Variants in CLSTN1 observed in about 807,000 individuals in gnomAD.
The protein encoded by CLSTN1 is calsyntenin-1.
In CLSTN1, 28 loss-of-function variants were observed where a neutral mutation model predicts 108.3. The observed-to-expected ratio is 0.26, with a 90% CI of 0.19 to 0.35. The LOEUF is 0.35. Ranked by LOEUF, CLSTN1 falls within the 10% of genes least tolerant of loss-of-function variation. The pLI, the probability that CLSTN1 is intolerant of heterozygous loss-of-function variation, is 1.00. For missense variants in CLSTN1, 1,157 were observed against 1,302.6 expected, an observed-to-expected ratio of 0.89 and a Z score of 1.72; for synonymous variants, 524 against 534.9, an observed-to-expected ratio of 0.98 and a Z score of 0.28.
Position 9,737,432 on chromosome 1 carries a change from G to A in CLSTN1, c.1576+66C>T, listed in dbSNP as rs530382174. On this transcript the variant is annotated intron_variant, in intron 11 of 18. Transcript: ENST00000377298. ...GCAACTGGGGCGTTTCATGCGACAC[G>A]TGGAATGAATCAGTCTCATCTTTAA... is the stretch of plus-strand genomic sequence containing the variant. 20 of 1,454,432 alleles carry A rather than the reference G, an allele frequency of 1.4e-5. No homozygotes were observed. The African/African-American group carries it at 1.4e-4, about 10-fold the overall frequency. 90.1% of individuals were successfully genotyped at this position (1,454,432 alleles called of 1,614,324 possible).
At chr1:9,805,866 CAAAAAAAAA>C (rs56899514) in intron 1 of CLSTN1, among the ~76,000 whole-genome samples, 1 of 74,868 alleles carries the variant, frequency 1.3e-5, no homozygotes, top group African/African-American at 4.3e-5. Context: ...GACTCTGTCT[CAAAAAAAAA>C]AAAAAAAAAA....
At chr1:9,810,164 A>C (rs1654687344) in intron 1 of CLSTN1, among the ~76,000 whole-genome samples, 1 of 13,874 alleles carries the variant, frequency 7.2e-5, no homozygotes. Flanking sequence ...GAGGGGAGGA[A>C]GGGAGGGAAG....
At chr1:9,786,568 G>A (rs748043561) in intron 1 of CLSTN1, among the ~76,000 whole-genome samples, 5 of 151,102 alleles carry the variant, frequency 3.3e-5, no homozygotes, top group Non-Finnish European at 7.4e-5. Context: ...GCTTGGACCC[G>A]GGAGGTGGAG....
intron 1 of CLSTN1, among the ~76,000 whole-genome samples, chr1:9,799,195 T>C (rs1654144687): frequency 6.7e-6 from 1 of 148,878 alleles, no homozygotes; most frequent in Non-Finnish European, 1.5e-5. Flanking sequence ...AAGAAAAAAA[T>C]ACATAAATTT....
Position 9,729,138 on chromosome 1 carries a change from G to A in CLSTN1, c.*1370C>T, listed in dbSNP as rs1394165305. On this transcript the variant is annotated 3_prime_UTR_variant, in exon 19 of 19. Coordinates refer to ENST00000377298, the MANE Select transcript of CLSTN1 (RefSeq NM_001009566.3). ...CAGCGTGAGGACATCCCCTGGGCGT[G>A]AGCGTCTGTCCGCTGTCTAAACAGA... is the stretch of plus-strand genomic sequence containing the variant. The A allele has an allele frequency of 1.3e-5, 2 of 152,254 alleles. No individual in the cohort carries two copies. The highest frequency in any genetic ancestry group is 2.9e-5 in the Non-Finnish European group (2 of 68,058). 9.4% of individuals were successfully genotyped at this position (152,254 alleles called of 1,614,324 possible).
intron 1 of CLSTN1, among the ~76,000 whole-genome samples, chr1:9,801,367 CA>C: frequency 6.6e-6 from 1 of 152,286 alleles, no homozygotes; most frequent in Non-Finnish European, 1.5e-5. Flanking sequence ...AAAAAGCAAA[CA>C]ATCTAAATAG....
chr1:9,777,536 G>A (rs534742568), intron 1 of CLSTN1, among the ~76,000 whole-genome samples: 6 of 151,932 alleles, frequency 3.9e-5, no homozygotes, highest in South Asian at 4.2e-4. Context: ...AAACAACGAC[G>A]ACAACAAAAA....
chr1:9,731,227 G>A lies in CLSTN1; in HGVS notation c.2727C>T (p.Thr909=), dbSNP rs370296229. ...CTACCTCCATGGGGTTGACGGTGAT[G>A]GTCAGGGCAGAGTCGTCCCAGTCCA... ...NEMDWDDSAL[T]ITVNPMETYE... is the part of the protein sequence containing the mutation. The change falls in exon 18 of 19, where the codon ACC becomes ACT. Residue 909 remains threonine (T), a synonymous_variant. Transcript: ENST00000377298. 2 of 1,614,244 alleles carry A rather than the reference G, an allele frequency of 1.2e-6. No homozygotes were observed. Among genetic ancestry groups the A allele is most frequent in the South Asian group, 1.1e-5 (1 of 91,086 alleles).
intron 3 of CLSTN1, among the ~76,000 whole-genome samples, chr1:9,755,618 G>A (rs943420950): frequency 1.3e-5 from 2 of 152,152 alleles, no homozygotes; most frequent in African/African-American, 2.4e-5. Context: ...TAGATAGCTC[G>A]AGGGTAAAAG....
intron 1 of CLSTN1, among the ~76,000 whole-genome samples, chr1:9,800,638 G>A (rs2101267749): frequency 6.6e-6 from 1 of 151,110 alleles, no homozygotes; most frequent in Non-Finnish European, 1.5e-5. Flanking sequence ...GCTGAGGCAG[G>A]AGAATGACGT....
chr1:9,734,929 G>GC lies in CLSTN1; in HGVS notation c.2110+18dup. ...TTCCGGCCGAGGCGAGGGAGCCCGC[G>GC]CCCCACAGAGCACATTACCTGTGGG... On this transcript the variant is annotated intron_variant, in intron 14 of 18. Coordinates refer to ENST00000377298, the MANE Select transcript of CLSTN1 (RefSeq NM_001009566.3). The surrounding 1 kb of genome is among the most constrained non-coding windows in gnomAD (Gnocchi z 4.8). 6.3e-7 allele frequency: 1 copy of GC among 1,597,678 alleles called. No individual in the cohort carries two copies. Among genetic ancestry groups the GC allele is most frequent in the Admixed American group, 1.7e-5 (1 of 59,890 alleles).
chr1:9,771,759 A>C (rs557263217), intron 2 of CLSTN1, among the ~76,000 whole-genome samples: 2 of 152,258 alleles, frequency 1.3e-5, no homozygotes, highest in African/African-American at 4.8e-5. Context: ...ACACAAAACA[A>C]CTTGGGAGGC....
intron 1 of CLSTN1, among the ~76,000 whole-genome samples, chr1:9,795,379 T>C (rs918786426): frequency 5.3e-5 from 8 of 151,074 alleles, no homozygotes; most frequent in Admixed American, 1.3e-4. Flanking sequence ...TTGGTCAGGA[T>C]GGTCTGAAAC....
intron 2 of CLSTN1, among the ~76,000 whole-genome samples, chr1:9,771,033 A>G (rs780265803): frequency 5.9e-5 from 9 of 152,118 alleles, no homozygotes; most frequent in Non-Finnish European, 1.0e-4. Context: ...TAGTGCATCA[A>G]TTATTAACAA....
At chr1:9,814,697 C>A (rs1253625185) in intron 1 of CLSTN1, among the ~76,000 whole-genome samples, 1 of 152,116 alleles carries the variant, frequency 6.6e-6, no homozygotes, top group Admixed American at 6.5e-5. Context: ...AATGCTTGAG[C>A]CCAAAAGTTC....
chr1:9,807,423 G>T (rs1420607124), intron 1 of CLSTN1, among the ~76,000 whole-genome samples: 1 of 152,190 alleles, frequency 6.6e-6, no homozygotes, highest in African/African-American at 2.4e-5. Flanking sequence ...CACTGGAATA[G>T]CTGGGAGTTA....
chr1:9,744,980 C>T (rs2101096879), intron 7 of CLSTN1, among the ~76,000 whole-genome samples: 2 of 152,284 alleles, frequency 1.3e-5, no homozygotes, highest in South Asian at 2.1e-4. Flanking sequence ...CCTGGAACTC[C>T]TGACCTCGTG....
rs758488803 is a variant in CLSTN1, at chr1:9,773,304, G to C, written c.182C>G (p.Ala61Gly). ...TCGCAGAGGCGCATCTTTATCCAGCGCGATCAGTGGGGGGTCGAGGAGCAC... is the reference window on the plus strand; with the variant it reads ...TCGCAGAGGCGCATCTTTATCCAGCCCGATCAGTGGGGGGTCGAGGAGCAC... ...NTVLLDPPLIALDKDAPLRFA... is the reference protein window; with the variant it reads ...NTVLLDPPLIGLDKDAPLRFA... Residue 61 changes from alanine (A) to glycine (G), a missense_variant, in exon 2 of 19, where the codon GCG (alanine) becomes GGG (glycine). Physicochemically the swap from Ala to Gly is moderately conservative, Grantham distance 60 (BLOSUM62 0). Coordinates refer to ENST00000377298, the MANE Select transcript of CLSTN1 (RefSeq NM_001009566.3). The C allele has an allele frequency of 1.2e-6, 2 of 1,614,118 alleles. No homozygotes were observed. The highest frequency in any genetic ancestry group is 4.5e-5 in the East Asian group (2 of 44,884).
intron 1 of CLSTN1, among the ~76,000 whole-genome samples, chr1:9,786,053 G>C (rs1458685657): frequency 1.3e-5 from 2 of 151,950 alleles, no homozygotes; most frequent in Non-Finnish European, 2.9e-5. Flanking sequence ...TGGTACACTT[G>C]GGAGCTACTT....
Sources: allele counts gnomAD v4.1 joint callset (sites outside exome capture counted in the v4.1 genomes callset), GRCh38; gene constraint gnomAD v4.1.1; non-coding constraint Gnocchi (gnomAD v3.1); transcripts MANE v1.5; gene names NCBI Gene and HGNC (gene_info 2026-07-23, HGNC 2026-07-21).